PPP2R2D: variants seen among roughly 807,000 people sequenced by gnomAD.
The protein encoded by PPP2R2D is serine/threonine-protein phosphatase 2A 55 kDa regulatory subunit B delta isoform.
A neutral mutation model predicts 31.1 loss-of-function variants in PPP2R2D; 9 were observed. The ratio of observed to expected loss-of-function variants is 0.29; its 90% confidence interval spans 0.17 to 0.51. The LOEUF (loss-of-function observed/expected upper bound fraction) is 0.51. PPP2R2D is among the 20% of genes least tolerant of loss of function. PPP2R2D has a pLI of 0.98. For missense variants in PPP2R2D, 391 were observed against 465.6 expected (o/e 0.84, Z 1.48); for synonymous variants, 179 against 172.6 (o/e 1.04, Z -0.29).
At position 131,949,375 on chromosome 10, in the gene PPP2R2D, C is replaced by T. The variant is rs551609412; in HGVS notation, c.1082+1584C>T. ...GGAAGCACAGCCCTGAGAAGTGGCCCAGGTGGAGAGAATGGCATTGGCAAA... is the reference window on the plus strand; with the variant it reads ...GGAAGCACAGCCCTGAGAAGTGGCCTAGGTGGAGAGAATGGCATTGGCAAA... On this transcript the variant is annotated intron_variant, in intron 8 of 8. Coordinates refer to ENST00000455566, the MANE Select transcript of PPP2R2D (RefSeq NM_018461.5). Among the ~76,000 whole-genome samples, 5 of 152,312 alleles carry T rather than the reference C, an allele frequency of 3.3e-5. No homozygotes were observed. The East Asian group carries it at 7.7e-4, about 23-fold the overall frequency.
intron 2 of PPP2R2D, among the ~76,000 whole-genome samples, chr10:131,933,456 G>C (rs569025894): frequency 6.6e-6 from 1 of 152,294 alleles, no homozygotes; most frequent in East Asian, 1.9e-4. Context: ...TTGGTGCCCA[G>C]CAGGGAGGCG....
At chr10:131,952,204 T>A (rs1322609027) in intron 8 of PPP2R2D, among the ~76,000 whole-genome samples, 2 of 47,478 alleles carry the variant, frequency 4.2e-5, no homozygotes, top group African/African-American at 1.8e-4. Context: ...AGCAGTGACT[T>A]GCGGGTGTGC....
At chr10:131,925,859 C>T (rs191715713) in intron 2 of PPP2R2D, among the ~76,000 whole-genome samples, 21 of 152,340 alleles carry the variant, frequency 1.4e-4, no homozygotes, top group African/African-American at 4.8e-4. Flanking sequence ...GAGGCCACCA[C>T]GCAGAGGTTG....
downstream of PPP2R2D, among the ~76,000 whole-genome samples, chr10:131,962,804 G>T (rs145149682): frequency 1.8e-4 from 27 of 152,360 alleles, no homozygotes; most frequent in African/African-American, 6.5e-4. Context: ...AGGCAGAGAG[G>T]TGGCTGCACT....
intron 2 of PPP2R2D, among the ~76,000 whole-genome samples, chr10:131,918,964 C>CGT (rs2035896405): frequency 7.3e-6 from 1 of 136,332 alleles, no homozygotes; most frequent in Non-Finnish European, 1.6e-5. Context: ...GGACCTCAGG[C>CGT]GGGTGGAATG....
intron 2 of PPP2R2D, among the ~76,000 whole-genome samples, chr10:131,905,301 G>A (rs1396437407): frequency 3.3e-5 from 5 of 152,166 alleles, no homozygotes; most frequent in Non-Finnish European, 5.9e-5. Flanking sequence ...CTAATTCCAC[G>A]ATGTTGCGGT....
At chr10:131,918,554 C>T (rs1340522605) in intron 2 of PPP2R2D, among the ~76,000 whole-genome samples, 2 of 145,574 alleles carry the variant, frequency 1.4e-5, no homozygotes, top group African/African-American at 2.6e-5. Flanking sequence ...AGGGATCTCA[C>T]GTGGGTGGAA....
intron 2 of PPP2R2D, among the ~76,000 whole-genome samples, chr10:131,917,089 TCA>T (rs368451164): frequency 0.015 from 2,074 of 140,802 alleles, 43 homozygotes; most frequent in Middle Eastern, 0.026. Flanking sequence ...TGTAGGGACC[TCA>T]CACGGGTGGA....
chr10:131,904,328 G>A (rs1215494783), intron 2 of PPP2R2D, among the ~76,000 whole-genome samples: 10 of 152,136 alleles, frequency 6.6e-5, no homozygotes, highest in East Asian at 3.9e-4. Context: ...TGGCTAACAC[G>A]GTGAAACCCC....
intron 5 of PPP2R2D, among the ~76,000 whole-genome samples, chr10:131,941,323 A>G (rs1342984925): frequency 6.6e-6 from 1 of 152,230 alleles, no homozygotes; most frequent in Non-Finnish European, 1.5e-5. Flanking sequence ...CAAAACCTCA[A>G]TGTCTTATAA....
chr10:131,953,166 C>G (rs2036715055), intron 8 of PPP2R2D, among the ~76,000 whole-genome samples: 2 of 102,932 alleles, frequency 1.9e-5, no homozygotes, highest in Non-Finnish European at 3.6e-5. Context: ...GTCTTAGTGA[C>G]TTGCGGGTGT....
chr10:131,953,952 G>A (rs2036744122), intron 8 of PPP2R2D, among the ~76,000 whole-genome samples: 2 of 152,160 alleles, frequency 1.3e-5, no homozygotes, highest in African/African-American at 4.8e-5. Context: ...AAACACGCCA[G>A]TCTTCCTACC....
intron 2 of PPP2R2D, among the ~76,000 whole-genome samples, chr10:131,925,837 C>G (rs1407002788): frequency 6.6e-6 from 1 of 152,200 alleles, no homozygotes; most frequent in African/African-American, 2.4e-5. Context: ...TTCCCCCTCA[C>G]AAATTGAATA....
intron 2 of PPP2R2D, among the ~76,000 whole-genome samples, chr10:131,926,336 A>G (rs2036105017): frequency 6.6e-6 from 1 of 152,092 alleles, no homozygotes; most frequent in South Asian, 2.1e-4. Context: ...AGACACAGAA[A>G]CGTGTGTATA....
At position 131,945,483 on chromosome 10, in the gene PPP2R2D, G is replaced by A; in HGVS notation, c.820+24G>A. 1 of 1,582,604 alleles carries A rather than the reference G, an allele frequency of 6.3e-7. No individual in the cohort carries two copies. Among genetic ancestry groups the A allele is most frequent in the South Asian group, 1.1e-5 (1 of 87,292 alleles). Reference sequence around the variant, plus strand: ...GTGTAAGTGCGTCTGTTGTTGAGATGGAGTCTGGCTCTGTCACCCAGGCTG... The same window carrying A: ...GTGTAAGTGCGTCTGTTGTTGAGATAGAGTCTGGCTCTGTCACCCAGGCTG... On this transcript the variant is annotated intron_variant, in intron 7 of 8. Transcript: ENST00000455566. The surrounding 1 kb of genome is among the most constrained non-coding windows in gnomAD (Gnocchi z 4.8).
chr10:131,954,946 G>A (rs1002508968), intron 8 of PPP2R2D, among the ~76,000 whole-genome samples: 4 of 152,226 alleles, frequency 2.6e-5, no homozygotes, highest in Non-Finnish European at 4.4e-5. Flanking sequence ...TCAAATCATG[G>A]CAGCGTTTGC....
chr10:131,909,941 C>G (rs930339406), intron 2 of PPP2R2D, among the ~76,000 whole-genome samples: 1 of 152,226 alleles, frequency 6.6e-6, no homozygotes, highest in Admixed American at 6.5e-5. Flanking sequence ...TTGTTTTACA[C>G]TTTTGCACAT....
chr10:131,969,398 GA>G, the PPP2R2D span: 1 of 152,276 alleles, frequency 6.6e-6, no homozygotes. Context: ...GACAGTTCTG[GA>G]AAAGGCTCCA....
intron 2 of PPP2R2D, among the ~76,000 whole-genome samples, chr10:131,929,050 G>T (rs1554895320): frequency 6.6e-6 from 1 of 152,210 alleles, no homozygotes; most frequent in East Asian, 1.9e-4. Flanking sequence ...TGCCTTCGTT[G>T]TGTTTCTCTC....
Sources: allele counts gnomAD v4.1 joint callset (sites outside exome capture counted in the v4.1 genomes callset), GRCh38; gene constraint gnomAD v4.1.1; non-coding constraint Gnocchi (gnomAD v3.1); transcripts MANE v1.5; gene names NCBI Gene and HGNC (gene_info 2026-07-23, HGNC 2026-07-21).